UBAC2: variants seen among roughly 807,000 people sequenced by gnomAD.
UBAC2 encodes the protein UBA domain containing 2.
UBAC2 carries 26 observed loss-of-function variants against 44.0 expected under a neutral mutation model. That is an observed-to-expected ratio of 0.59 (90% CI 0.43 to 0.82). The LOEUF is 0.82. UBAC2 is among the 40% of genes least tolerant of loss of function. The pLI is 0.00. For synonymous variants in UBAC2, 155 were observed against 154.3 expected, an observed-to-expected ratio of 1.00 and a Z score of -0.04; for missense variants, 329 against 419.4, an observed-to-expected ratio of 0.78 and a Z score of 1.88.
chr13:99,294,920 G>A, intron 4 of UBAC2: 3 of 858,554 alleles, frequency 3.5e-6, no homozygotes, highest in South Asian at 1.9e-5. Flanking sequence ...TTACTTCCGA[G>A]TTGGAGATGG....
chr13:99,249,835 T>C (rs556200174), intron 4 of UBAC2, among the ~76,000 whole-genome samples: 5 of 152,324 alleles, frequency 3.3e-5, no homozygotes, highest in African/African-American at 1.2e-4. Flanking sequence ...CCTTTGAGCA[T>C]TTTTTCTTGT....
At chr13:99,267,362 A>G (rs1566477408) in intron 4 of UBAC2, among the ~76,000 whole-genome samples, 1 of 152,064 alleles carries the variant, frequency 6.6e-6, no homozygotes, top group African/African-American at 2.4e-5. Flanking sequence ...TTTTTGGAGC[A>G]TATTTTAGGC....
chr13:99,304,009 C>G (rs1234677996), intron 4 of UBAC2, among the ~76,000 whole-genome samples: 1 of 152,142 alleles, frequency 6.6e-6, no homozygotes, highest in African/African-American at 2.4e-5. Flanking sequence ...CATTCCCGCC[C>G]TTCTGCCCGC....
Position 99,345,927 on chromosome 13 carries a change from A to C in UBAC2, c.807+5362A>C, listed in dbSNP as rs192604468. ...CCGGCTAATTTTTGTATTTTTAGTA[A>C]AGACGGGGTTTCACCATGTTGGCCA... On this transcript the variant is annotated intron_variant, in intron 7 of 8. Transcript: ENST00000403766. Among the ~76,000 whole-genome samples, 637 of 151,368 alleles carry C rather than the reference A, an allele frequency of 4.2e-3. 5 individuals carry two copies. Among genetic ancestry groups the C allele is most frequent in the African/African-American group, 0.015 (603 of 41,312 alleles).
rs573484654 is a variant in UBAC2, at chr13:99,357,012, T to C, written c.808-10775T>C. Among the ~76,000 whole-genome samples the C allele has an allele frequency of 2.6e-5, 4 of 152,368 alleles. No homozygotes were observed. The East Asian group carries it at 5.8e-4, about 22-fold the overall frequency. On this transcript the variant is annotated intron_variant, in intron 7 of 8. Coordinates refer to ENST00000403766, the MANE Select transcript of UBAC2 (RefSeq NM_001144072.2). ...TGTGGTGTCTTTTCTCTCTGTATTG[T>C]GCTCACTCTTGTAGTCATGCACCAC...
intron 4 of UBAC2, 49 bp from the exon 5 acceptor site, chr13:99,314,048 G>C: frequency 6.5e-7 from 1 of 1,543,080 alleles, no homozygotes; most frequent in Non-Finnish European, 8.8e-7. Flanking sequence ...TCTGCCATTT[G>C]TGTTTAAAAT....
chr13:99,231,342 C>A (rs1474526234), intron 1 of UBAC2: 1 of 151,772 alleles, frequency 6.6e-6, no homozygotes, highest in East Asian at 1.9e-4. Flanking sequence ...TCTTTTATAA[C>A]CTGATAACAT....
intron 1 of UBAC2, among the ~76,000 whole-genome samples, chr13:99,218,191 C>G (rs1391884453): frequency 1.3e-5 from 2 of 152,144 alleles, no homozygotes; most frequent in African/African-American, 2.4e-5. Context: ...GTAATTACTG[C>G]TTTTTACATT....
chr13:99,244,742 T>C, intron 4 of UBAC2, 118 bp downstream of exon 4: 1 of 547,012 alleles, frequency 1.8e-6, no homozygotes. Flanking sequence ...ATAGTTAAAT[T>C]GATTTTATAT....
chr13:99,213,210 C>CT (rs1232086725), intron 1 of UBAC2, among the ~76,000 whole-genome samples: 3 of 141,726 alleles, frequency 2.1e-5, no homozygotes, highest in South Asian at 2.2e-4. Flanking sequence ...ATGATTATAA[C>CT]TTTTTTTTTC....
chr13:99,299,920 A>G (rs2044233376), intron 4 of UBAC2, among the ~76,000 whole-genome samples: 1 of 152,212 alleles, frequency 6.6e-6, no homozygotes, highest in South Asian at 2.1e-4. Context: ...ATGCCATGCT[A>G]GATCCCTCTC....
intron 4 of UBAC2, among the ~76,000 whole-genome samples, chr13:99,292,088 T>A (rs2044096960): frequency 6.6e-6 from 1 of 152,152 alleles, no homozygotes; most frequent in African/African-American, 2.4e-5. Context: ...GATTGAGTTG[T>A]CTTCTTTATG....
intron 4 of UBAC2, among the ~76,000 whole-genome samples, chr13:99,256,702 T>C: frequency 1.3e-5 from 1 of 79,056 alleles, no homozygotes; most frequent in Admixed American, 1.9e-4. Context: ...CTTATAAATT[T>C]CCATCACCAA....
Position 99,201,233 on chromosome 13 carries a change from C to G in UBAC2, c.31+294C>G, listed in dbSNP as rs1016534309. The G allele has an allele frequency of 4.9e-6, 7 of 1,433,998 alleles. No homozygotes were observed. The African/African-American group carries it at 8.6e-5, about 18-fold the overall frequency. 88.8% of individuals were successfully genotyped at this position (1,433,998 alleles called of 1,614,324 possible). On this transcript the variant is annotated intron_variant, in intron 1 of 8. Coordinates refer to ENST00000403766, the MANE Select transcript of UBAC2 (RefSeq NM_001144072.2). ...GGGCCGCTGCAAGTGGGCAGGTGCC[C>G]TGGTGTTCTCGTGGGCCGGCCCCAG...
At chr13:99,291,095 C>T (rs990227883) in intron 4 of UBAC2, among the ~76,000 whole-genome samples, 1 of 152,132 alleles carries the variant, frequency 6.6e-6, no homozygotes, top group South Asian at 2.1e-4. Context: ...GGGATTAAAC[C>T]GGCTCTGCCA....
chr13:99,243,955 A>G lies in UBAC2; in HGVS notation c.279+4A>G, dbSNP rs1194990173. ...ATATGGAAGCAGAAAATTTGCAGTA[A>G]GTTTTTATGTATTTTGTCTTTGCTA... On this transcript the variant is annotated splice_donor_region_variant and intron_variant, in intron 3 of 8. Coordinates refer to ENST00000403766, the MANE Select transcript of UBAC2 (RefSeq NM_001144072.2). 1.3e-6 allele frequency: 2 copies of G among 1,525,826 alleles called. No individual in the cohort carries two copies. Among genetic ancestry groups the G allele is most frequent in the Non-Finnish European group, 8.8e-7 (1 of 1,138,514 alleles). The allele number at this position is 1,525,826 out of a possible 1,614,324, so 94.5% of individuals were successfully genotyped here.
chr13:99,251,950 A>G (rs753575557), intron 4 of UBAC2, among the ~76,000 whole-genome samples: 11 of 152,158 alleles, frequency 7.2e-5, no homozygotes, highest in Admixed American at 3.9e-4. Context: ...CTTAAGAGAC[A>G]AGGTCTTGCC....
chr13:99,206,646 A>G (rs1015160158), intron 1 of UBAC2, among the ~76,000 whole-genome samples: 2 of 152,260 alleles, frequency 1.3e-5, no homozygotes, highest in East Asian at 1.9e-4. Context: ...TGTGGTGCTC[A>G]TCGAGCAAAA....
intron 6 of UBAC2, among the ~76,000 whole-genome samples, chr13:99,334,349 A>G (rs1464880857): frequency 1.3e-5 from 2 of 152,248 alleles, no homozygotes; most frequent in Non-Finnish European, 2.9e-5. Flanking sequence ...GAACTGTAGT[A>G]AGTCTTAACC....
Sources: allele counts gnomAD v4.1 joint callset (sites outside exome capture counted in the v4.1 genomes callset), GRCh38; gene constraint gnomAD v4.1.1; transcripts MANE v1.5; gene names NCBI Gene and HGNC (gene_info 2026-07-23, HGNC 2026-07-21).